SND1: variants seen among roughly 807,000 people sequenced by gnomAD.
SND1 encodes staphylococcal nuclease domain-containing protein 1.
A neutral mutation model predicts 121.7 loss-of-function variants in SND1; 38 were observed. The ratio of observed to expected loss-of-function variants is 0.31; its 90% confidence interval spans 0.24 to 0.41. The LOEUF (loss-of-function observed/expected upper bound fraction) is 0.41, where lower values mean the gene tolerates loss of function less well. Ranked by LOEUF, SND1 falls within the 10% of genes least tolerant of loss-of-function variation. The pLI, the probability that SND1 is intolerant of heterozygous loss-of-function variation, is 1.00. For missense variants in SND1, 868 were observed against 1,184.6 expected (o/e 0.73, Z 3.92); for synonymous variants, 401 against 447.4 (o/e 0.90, Z 1.31).
At chr7:127,979,785 A>G (rs1020324023) in intron 15 of SND1, among the ~76,000 whole-genome samples, 19 of 152,244 alleles carry the variant, frequency 1.2e-4, no homozygotes, top group African/African-American at 3.9e-4. Context: ...ATTATATCCT[A>G]TAACATGTCA....
chr7:127,952,871 A>G (rs751157706), intron 15 of SND1, among the ~76,000 whole-genome samples: 6 of 152,176 alleles, frequency 3.9e-5, no homozygotes, highest in Non-Finnish European at 7.3e-5. Flanking sequence ...ACCTACAGTC[A>G]GAAGAAAGGG....
At chr7:127,967,354 G>A (rs1801877643) in intron 15 of SND1, among the ~76,000 whole-genome samples, 1 of 152,188 alleles carries the variant, frequency 6.6e-6, no homozygotes. Flanking sequence ...GATGGGGGTG[G>A]TGGGAAAAAA....
chr7:127,938,653 A>C (rs908018405), intron 15 of SND1, among the ~76,000 whole-genome samples: 19 of 152,322 alleles, frequency 1.2e-4, no homozygotes, highest in Middle Eastern at 3.4e-3. Flanking sequence ...CATATTAATC[A>C]ATCATTTTTC....
chr7:127,769,312 C>A (rs36046498), intron 10 of SND1, among the ~76,000 whole-genome samples: 9,856 of 152,178 alleles, frequency 0.065, 417 homozygotes, highest in Middle Eastern at 0.19. Flanking sequence ...AATCAGAAGC[C>A]TGGGCTGTCT....
At chr7:128,072,387 C>T (rs966355613) in intron 16 of SND1, among the ~76,000 whole-genome samples, 1 of 152,154 alleles carries the variant, frequency 6.6e-6, no homozygotes, top group Admixed American at 6.5e-5. Context: ...TTGTGGAAGA[C>T]GAGAGGTCAG....
intron 16 of SND1, among the ~76,000 whole-genome samples, chr7:127,993,942 AC>A (rs1028493255): frequency 1.8e-4 from 27 of 152,198 alleles, no homozygotes; most frequent in Admixed American, 1.6e-3. Flanking sequence ...GGGCTGTGTA[AC>A]GGTGACTGCC....
At chr7:127,868,278 AGGAGGCTGAGGTG>A (rs1425598735) in intron 12 of SND1, among the ~76,000 whole-genome samples, 1 of 152,126 alleles carries the variant, frequency 6.6e-6, no homozygotes, top group African/African-American at 2.4e-5. Flanking sequence ...CCAGGTACTC[AGGAGGCTGAGGTG>A]GGAGGCTCAC....
In SND1 at chr7:128,052,392, G is replaced by T. The variant is rs1002392607; in HGVS notation, c.1780-22110G>T. On this transcript the variant is annotated intron_variant, in intron 16 of 23. Transcript: ENST00000354725. The surrounding 1 kb of genome is among the most constrained non-coding windows in gnomAD (Gnocchi z 4.6). ...TGGATCTGTCTCTCCTCCCGTTTGTGACTCCACTTCATTGCCACAGCTTGT... is the reference window on the plus strand; with the variant it reads ...TGGATCTGTCTCTCCTCCCGTTTGTTACTCCACTTCATTGCCACAGCTTGT... 2.6e-5 allele frequency among the ~76,000 whole-genome samples: 4 copies of T among 152,174 alleles called. No homozygotes were observed. The highest frequency in any genetic ancestry group is 1.3e-4 in the Admixed American group (2 of 15,268).
intron 1 of SND1, among the ~76,000 whole-genome samples, chr7:127,680,995 C>T (rs766429328): frequency 5.3e-5 from 8 of 152,112 alleles, no homozygotes; most frequent in South Asian, 2.1e-4. Flanking sequence ...CTGGTCCCTC[C>T]GTTCGGGGTG....
At chr7:127,748,983 A>AC (rs1797030450) in intron 10 of SND1, among the ~76,000 whole-genome samples, 1 of 152,076 alleles carries the variant, frequency 6.6e-6, no homozygotes, top group East Asian at 1.9e-4. Context: ...ATGAAGTCAG[A>AC]ATTATCTGTG....
chr7:127,944,879 A>T (rs186691172), intron 15 of SND1, among the ~76,000 whole-genome samples: 8 of 152,318 alleles, frequency 5.3e-5, no homozygotes, highest in African/African-American at 1.7e-4. Flanking sequence ...CTTATCACAT[A>T]TTCCCATGCA....
chr7:127,933,410 G>A (rs761951689), intron 15 of SND1, among the ~76,000 whole-genome samples: 7 of 152,172 alleles, frequency 4.6e-5, no homozygotes, highest in Non-Finnish European at 8.8e-5. Flanking sequence ...CTGCCATAGT[G>A]TGTGCTGTTA....
intron 10 of SND1, among the ~76,000 whole-genome samples, chr7:127,763,499 A>C (rs979951532): frequency 2.0e-5 from 3 of 152,094 alleles, no homozygotes; most frequent in African/African-American, 4.8e-5. Flanking sequence ...GGTGCACACT[A>C]CCATGCCCAG....
chr7:128,005,377 C>T (rs1435123735), intron 16 of SND1, among the ~76,000 whole-genome samples: 2 of 152,242 alleles, frequency 1.3e-5, no homozygotes, highest in Non-Finnish European at 2.9e-5. Context: ...CAGGGAAATA[C>T]ATGCAGGCTT....
At position 127,828,460 on chromosome 7, in the gene SND1, A is replaced by G. The variant is rs543763975; in HGVS notation, c.1243-15864A>G. Reference sequence around the variant, plus strand: ...AGAGTGATTTCTGTGAAGATCTTGGACAGCGATTACAGTAAATTCCTGTCT... The same window carrying G: ...AGAGTGATTTCTGTGAAGATCTTGGGCAGCGATTACAGTAAATTCCTGTCT... On this transcript the variant is annotated intron_variant, in intron 11 of 23. Coordinates refer to ENST00000354725, the MANE Select transcript of SND1 (RefSeq NM_014390.4). Among the ~76,000 whole-genome samples the G allele has an allele frequency of 5.9e-5, 9 of 151,576 alleles. No homozygotes were observed. The South Asian group carries it at 1.7e-3, about 28-fold the overall frequency.
chr7:127,948,889 T>C (rs1204963747), intron 15 of SND1, among the ~76,000 whole-genome samples: 1 of 152,238 alleles, frequency 6.6e-6, no homozygotes, highest in East Asian at 1.9e-4. Flanking sequence ...CTTTGATTTG[T>C]CTTTCTTTGT....
chr7:127,776,092 G>A (rs1268972997), intron 10 of SND1, among the ~76,000 whole-genome samples: 1 of 152,120 alleles, frequency 6.6e-6, no homozygotes, highest in East Asian at 1.9e-4. Flanking sequence ...TTTTGTGACT[G>A]GGTAGTTTTT....
At chr7:127,884,505 G>A (rs1440103972) in intron 12 of SND1, among the ~76,000 whole-genome samples, 1 of 152,094 alleles carries the variant, frequency 6.6e-6, no homozygotes, top group African/African-American at 2.4e-5. Context: ...ACTAAGGCAG[G>A]CCTATTGCTG....
chr7:128,058,922 C>A (rs1423680718), intron 16 of SND1, among the ~76,000 whole-genome samples: 2 of 152,088 alleles, frequency 1.3e-5, no homozygotes, highest in Non-Finnish European at 2.9e-5. Context: ...TTCCCCTTGC[C>A]CATCCTTCAA....
Sources: gnomAD v4.1 joint callset for allele counts (sites outside exome capture counted in the v4.1 genomes callset) on GRCh38, gnomAD v4.1.1 for gene constraint, Gnocchi (gnomAD v3.1) non-coding constraint, MANE v1.5 for transcripts, NCBI Gene and HGNC (gene_info 2026-07-23, HGNC 2026-07-21) for gene names.